The following FSTL5 variants were observed in gnomAD, a reference collection of about 807,000 sequenced individuals.
FSTL5 encodes follistatin-related protein 5.
A neutral mutation model predicts 89.1 loss-of-function variants in FSTL5; 62 were observed. The ratio of observed to expected loss-of-function variants is 0.70; its 90% CI spans 0.57 to 0.86. FSTL5 has a LOEUF of 0.86. Ranked by LOEUF, FSTL5 falls within the 40% of genes least tolerant of loss-of-function variation. The pLI is 0.00. For missense variants in FSTL5, 1,057 were observed against 1,001.6 expected (o/e 1.06, Z -0.75); for synonymous variants, 383 against 346.2 (o/e 1.11, Z -1.18).
At chr4:162,125,368 T>A (rs1208990954) in intron 1 of FSTL5, among the ~76,000 whole-genome samples, 1 of 152,208 alleles carries the variant, frequency 6.6e-6, no homozygotes, top group Non-Finnish European at 1.5e-5. Context: ...GAATTTTTAA[T>A]TGACCTGATA....
At chr4:162,061,026 T>C (rs1260593645) in intron 2 of FSTL5, among the ~76,000 whole-genome samples, 1 of 152,138 alleles carries the variant, frequency 6.6e-6, no homozygotes, top group African/African-American at 2.4e-5. Context: ...TATTTTAAAA[T>C]AAGGGCAAGT....
chr4:161,485,794 G>A (rs1050912912), intron 12 of FSTL5, among the ~76,000 whole-genome samples: 3 of 151,894 alleles, frequency 2.0e-5, no homozygotes, highest in African/African-American at 7.3e-5. Context: ...AAGAGTAAAC[G>A]TATGGACTTT....
chr4:161,550,381 A>G (rs1732157163), intron 8 of FSTL5, among the ~76,000 whole-genome samples: 1 of 151,912 alleles, frequency 6.6e-6, no homozygotes, highest in East Asian at 1.9e-4. Context: ...ATACACTTTC[A>G]AAAATGATTG....
chr4:162,046,820 G>A (rs1458908345), intron 2 of FSTL5, among the ~76,000 whole-genome samples: 1 of 152,060 alleles, frequency 6.6e-6, no homozygotes, highest in Non-Finnish European at 1.5e-5. Flanking sequence ...ACATATGTAA[G>A]AATTCCTTCT....
At chr4:161,390,016 CAT>C (rs1262485833) in intron 15 of FSTL5, among the ~76,000 whole-genome samples, 8 of 152,198 alleles carry the variant, frequency 5.3e-5, no homozygotes, top group Admixed American at 1.3e-4. Flanking sequence ...AATAAAAACA[CAT>C]GTTTTTATTC....
intron 3 of FSTL5, among the ~76,000 whole-genome samples, chr4:161,929,685 G>GTGTGTGTGTGTGTGTGTA (rs1553983478): frequency 2.7e-5 from 4 of 149,088 alleles, no homozygotes; most frequent in African/African-American, 1.0e-4. Flanking sequence ...GTGTGTGTGT[G>GTGTGTGTGTGTGTGTGTA]TGTGTGTGTG....
At chr4:161,881,282 GAC>G (rs200907985) in intron 4 of FSTL5, among the ~76,000 whole-genome samples, 4 of 150,568 alleles carry the variant, frequency 2.7e-5, no homozygotes, top group African/African-American at 9.7e-5. Flanking sequence ...GTTCTTTGAA[GAC>G]ACACACACAC....
intron 4 of FSTL5, among the ~76,000 whole-genome samples, chr4:161,860,157 G>T (rs1484624918): frequency 6.6e-6 from 1 of 151,704 alleles, no homozygotes; most frequent in Non-Finnish European, 1.5e-5. Flanking sequence ...GCGTGGTGGC[G>T]GGCGCCTGTA....
intron 9 of FSTL5, 59 bp from the exon 10 acceptor site, chr4:161,538,359 T>A (rs1170109425): frequency 6.4e-7 from 1 of 1,569,044 alleles, no homozygotes; most frequent in Non-Finnish European, 8.8e-7. Flanking sequence ...GAACAGTGCT[T>A]TCTGATTACA....
intron 6 of FSTL5, among the ~76,000 whole-genome samples, chr4:161,754,960 G>A (rs965671460): frequency 2.0e-5 from 3 of 151,926 alleles, no homozygotes; most frequent in African/African-American, 2.4e-5. Context: ...TTAATTCTAC[G>A]AGAAACTTTT....
intron 13 of FSTL5, among the ~76,000 whole-genome samples, chr4:161,472,818 G>A (rs1427099834): frequency 1.3e-5 from 2 of 151,790 alleles, no homozygotes; most frequent in East Asian, 1.9e-4. Context: ...TCTGCCTCCT[G>A]GGTTCAAGCA....
At chr4:161,982,270 G>A (rs918930483) in intron 3 of FSTL5, among the ~76,000 whole-genome samples, 2 of 152,178 alleles carry the variant, frequency 1.3e-5, no homozygotes, top group African/African-American at 4.8e-5. Flanking sequence ...CCCACTGATT[G>A]TTCATTTGGG....
chr4:161,516,126 T>TTA (rs1491413248), intron 10 of FSTL5, among the ~76,000 whole-genome samples: 1 of 148,566 alleles, frequency 6.7e-6, no homozygotes, highest in Non-Finnish European at 1.5e-5. Flanking sequence ...TATTATATTC[T>TTA]TATATATATA....
intron 6 of FSTL5, among the ~76,000 whole-genome samples, chr4:161,730,059 TTGTA>T (rs1739553958): frequency 1.3e-5 from 2 of 152,166 alleles, no homozygotes; most frequent in African/African-American, 2.4e-5. Flanking sequence ...TATTGGAAGT[TTGTA>T]TGTGTGTGTG....
intron 4 of FSTL5, among the ~76,000 whole-genome samples, chr4:161,919,771 GATTT>G (rs1273655883): frequency 1.3e-5 from 2 of 152,062 alleles, no homozygotes; most frequent in Non-Finnish European, 2.9e-5. Flanking sequence ...ACTGTTCAAT[GATTT>G]ATTTATGTGG....
chr4:161,806,779 A>T (rs947461552), intron 4 of FSTL5, among the ~76,000 whole-genome samples: 9 of 152,138 alleles, frequency 5.9e-5, no homozygotes, highest in African/African-American at 2.2e-4. Flanking sequence ...ATAGAGATAG[A>T]TAGATAAAAT....
intron 2 of FSTL5, among the ~76,000 whole-genome samples, chr4:162,102,786 A>ATATATTTATT (rs1731057030): frequency 3.4e-5 from 5 of 147,442 alleles, no homozygotes; most frequent in East Asian, 3.9e-4. Context: ...ATATATTTAT[A>ATATATTTATT]TATGGAGTGA....
At chr4:161,869,266 G>A (rs1732187887) in intron 4 of FSTL5, among the ~76,000 whole-genome samples, 1 of 152,174 alleles carries the variant, frequency 6.6e-6, no homozygotes, top group South Asian at 2.1e-4. Context: ...ATGTAGTGAT[G>A]TATGCAAATT....
At chr4:161,875,693 T>C (rs1278053281) in intron 4 of FSTL5, among the ~76,000 whole-genome samples, 1 of 152,216 alleles carries the variant, frequency 6.6e-6, no homozygotes, top group East Asian at 1.9e-4. Flanking sequence ...CTGGATGTTT[T>C]GACCAATTCT....
Sources: gnomAD v4.1 joint callset for allele counts (sites outside exome capture counted in the v4.1 genomes callset) on GRCh38, gnomAD v4.1.1 for gene constraint, MANE v1.5 for transcripts, NCBI Gene and HGNC (gene_info 2026-07-23, HGNC 2026-07-21) for gene names.